CPSF4: variants seen among roughly 807,000 people sequenced by gnomAD.
CPSF4 encodes cleavage and polyadenylation specific factor 4.
Under a neutral mutation model 37.7 loss-of-function variants are expected in CPSF4, and 11 were observed. That is an observed-to-expected ratio of 0.29 (90% CI 0.18 to 0.48). CPSF4 has a LOEUF of 0.48. Ranked by LOEUF, CPSF4 falls within the 20% of genes least tolerant of loss-of-function variation. The pLI is 0.99. For synonymous variants in CPSF4, 132 were observed against 135.9 expected, an observed-to-expected ratio of 0.97 and a Z score of 0.20; for missense variants, 144 against 359.5, an observed-to-expected ratio of 0.40 and a Z score of 4.85.
rs1798065320 is a variant in CPSF4, at chr7:99,453,297, G to C, written c.571-669G>C. 1 of 152,674 alleles carries C rather than the reference G, an allele frequency of 6.5e-6. No homozygotes were observed. Among genetic ancestry groups the C allele is most frequent in the African/African-American group, 2.4e-5 (1 of 41,482 alleles). 9.5% of individuals were successfully genotyped at this position (152,674 alleles called of 1,614,324 possible). A position where few individuals can be genotyped will look rare whatever the true frequency, so the allele number is the denominator to read the frequency against. ...CTCAGTGCTAGAGGCTGAACAGCCA[G>C]GAGAGGATGCGGAGGATGTAGCTGC... On this transcript the variant is annotated intron_variant, in intron 6 of 7. Coordinates refer to ENST00000292476, the MANE Select transcript of CPSF4 (RefSeq NM_006693.4). This position sits in a 1 kb window ranked among gnomAD's most constrained non-coding sequence, Gnocchi z 4.7.
chr7:99,447,541 C>G (rs188466657), intron 2 of CPSF4, among the ~76,000 whole-genome samples: 3 of 151,594 alleles, frequency 2.0e-5, no homozygotes, highest in East Asian at 3.9e-4. Flanking sequence ...GCACCTCCCC[C>G]CTTTTAATTC....
In CPSF4 at chr7:99,448,459, CTTTTTTT is replaced by C; in HGVS notation, c.307+201_307+207del. 1 of 320,910 alleles carries C rather than the reference CTTTTTTT, an allele frequency of 3.1e-6. No homozygotes were observed. 19.9% of individuals were successfully genotyped at this position (320,910 alleles called of 1,614,324 possible). On this transcript the variant is annotated intron_variant, in intron 3 of 7. Transcript: ENST00000292476. The surrounding 1 kb of genome is among the most constrained non-coding windows in gnomAD (Gnocchi z 4.4). The stretch of plus-strand genomic sequence containing the variant: ...CAGTGTGGCTATTTTCTGCTCATCT[CTTTTTTT>C]TTTTTTTTTTTTTTAAAGACATAGG...
rs765342553 is a variant in CPSF4, at chr7:99,447,797, G to A, written c.155-324G>A. ...GAAGAGACAGGATTTCACCGTGACA[G>A]CCAGGATGGTCTCCGTGCCAGCCAG... On this transcript the variant is annotated intron_variant, in intron 2 of 7. Coordinates refer to ENST00000292476, the MANE Select transcript of CPSF4 (RefSeq NM_006693.4). 55 of 463,514 alleles carry A rather than the reference G, an allele frequency of 1.2e-4. 1 individual carries two copies. Among genetic ancestry groups the A allele is most frequent in the Admixed American group, 7.2e-4 (31 of 42,840 alleles). 28.7% of individuals were successfully genotyped at this position (463,514 alleles called of 1,614,324 possible). A position where few individuals can be genotyped will look rare whatever the true frequency, so the allele number is the denominator to read the frequency against.
chr7:99,455,922 C>T (rs1429928662), intron 7 of CPSF4, among the ~76,000 whole-genome samples: 2 of 152,248 alleles, frequency 1.3e-5, no homozygotes, highest in African/African-American at 2.4e-5. Flanking sequence ...CCAGCAGTGG[C>T]TCCCCAAGGG....
At chr7:99,442,831 G>A (rs1196212596) in intron 1 of CPSF4, 2 of 915,834 alleles carry the variant, frequency 2.2e-6, no homozygotes, top group Non-Finnish European at 3.6e-6. Context: ...TGACCAAGAA[G>A]AATGAGAGAA....
chr7:99,445,164 GCCCAGTGTCTGAA>G (rs1797377839), intron 2 of CPSF4, among the ~76,000 whole-genome samples: 1 of 152,192 alleles, frequency 6.6e-6, no homozygotes. Context: ...AAGCGGCAGA[GCCCAGTGTCTGAA>G]CCCAGGTCTT....
At chr7:99,452,187 G>A (rs1447150755) in intron 5 of CPSF4, among the ~76,000 whole-genome samples, 181 bp from the exon 6 acceptor site, 1 of 152,208 alleles carries the variant, frequency 6.6e-6, no homozygotes, top group Non-Finnish European at 1.5e-5. Context: ...TGGCCTCCCA[G>A]GAGCAGAGCT....
At chr7:99,445,345 CAG>C (rs998389206) in intron 2 of CPSF4, among the ~76,000 whole-genome samples, 3 of 151,746 alleles carry the variant, frequency 2.0e-5, no homozygotes, top group African/African-American at 7.3e-5. Context: ...ACCAGGGAGT[CAG>C]AGGTTGCAGT....
intron 1 of CPSF4, among the ~76,000 whole-genome samples, chr7:99,444,401 G>A (rs45622743): frequency 0.065 from 9,936 of 151,972 alleles, 685 homozygotes; most frequent in East Asian, 0.31. Flanking sequence ...AGATTGCAGT[G>A]AGCCAAGATC....
Position 99,447,589 on chromosome 7 carries a change from CTTTT to C in CPSF4, c.155-517_155-514del, listed in dbSNP as rs1195818955. Among the ~76,000 whole-genome samples, 21 of 129,074 alleles carry C rather than the reference CTTTT, an allele frequency of 1.6e-4. No homozygotes were observed. The East Asian group carries it at 2.1e-3, about 13-fold the overall frequency. 84.7% of individuals were successfully genotyped at this position (129,074 alleles called of 152,430 possible). ...GTAATATCTGTGAGATCATGAGTAA[CTTTT>C]TTTTTTTTTTTTTTGAAAAGGTGTC... is the stretch of plus-strand genomic sequence containing the variant. On this transcript the variant is annotated intron_variant, in intron 2 of 7. Transcript: ENST00000292476.
At chr7:99,444,115 C>T (rs925548481) in intron 1 of CPSF4, among the ~76,000 whole-genome samples, 6 of 152,084 alleles carry the variant, frequency 3.9e-5, no homozygotes, top group Non-Finnish European at 8.8e-5. Flanking sequence ...GTTAAGGTAT[C>T]TGTGAATTCG....
In CPSF4 at chr7:99,450,756, T is replaced by C. The variant is rs1797873298; in HGVS notation, c.458T>C (p.Val153Ala). ...AGAGTCATCTGTGTGAATTACCTCG[T>C]GGGATTCTGCCCGGAGGGGCCCTCG... is the stretch of plus-strand genomic sequence containing the variant. ...TRRVICVNYL[V>A]GFCPEGPSCK... Residue 153 changes from valine to alanine, a missense_variant, in exon 5 of 8, where the codon GTG becomes GCG. By Grantham distance (64) the Val-to-Ala change is moderately conservative. This residue lies in a region of CPSF4 where 86 missense variants were observed against 141.5 expected (regional missense o/e 0.61). Coordinates refer to ENST00000292476, the MANE Select transcript of CPSF4 (RefSeq NM_006693.4). 16 of 1,614,078 alleles carry C rather than the reference T, an allele frequency of 9.9e-6. No individual in the cohort carries two copies. The highest frequency in any genetic ancestry group is 1.4e-5 in the Non-Finnish European group (16 of 1,180,000).
At position 99,439,062 on chromosome 7, in the gene CPSF4, G is replaced by A. The variant is rs1410338897; in HGVS notation, c.-21G>A. ...CAGGAGACCGAGGGGGAGCCGGGCCGGTGGGGCCGCCGCCGCCGCCATGCA... is the reference window on the plus strand; with the variant it reads ...CAGGAGACCGAGGGGGAGCCGGGCCAGTGGGGCCGCCGCCGCCGCCATGCA... On this transcript the variant is annotated 5_prime_UTR_variant, in exon 1 of 8. Coordinates refer to ENST00000292476, the MANE Select transcript of CPSF4 (RefSeq NM_006693.4). The A allele has an allele frequency of 2.5e-6, 4 of 1,597,978 alleles. No individual in the cohort carries two copies. Among genetic ancestry groups the A allele is most frequent in the Admixed American group, 3.4e-5 (2 of 58,536 alleles).
At chr7:99,440,453 A>G (rs1474386360) in intron 1 of CPSF4, among the ~76,000 whole-genome samples, 1 of 151,690 alleles carries the variant, frequency 6.6e-6, no homozygotes, top group African/African-American at 2.4e-5. Flanking sequence ...GGCTCCAGCA[A>G]TCCTCCCACC....
intron 7 of CPSF4, among the ~76,000 whole-genome samples, chr7:99,455,863 T>C (rs1798271441): frequency 6.6e-6 from 1 of 152,218 alleles, no homozygotes; most frequent in Admixed American, 6.5e-5. Context: ...GTAGCTTAGG[T>C]GTGTCACAGC....
At chr7:99,442,623 A>C (rs1333764072) in intron 1 of CPSF4, among the ~76,000 whole-genome samples, 1 of 135,236 alleles carries the variant, frequency 7.4e-6, no homozygotes, top group East Asian at 2.3e-4. Flanking sequence ...ACACCACTGC[A>C]CTCCAGCCTG....
intron 2 of CPSF4, among the ~76,000 whole-genome samples, chr7:99,445,741 G>A (rs1208418650): frequency 6.6e-6 from 1 of 152,078 alleles, no homozygotes; most frequent in East Asian, 1.9e-4. Flanking sequence ...AAAATTAGCT[G>A]GGCATGGTGA....
chr7:99,440,655 C>CGCATATATAT (rs1363427698), intron 1 of CPSF4, among the ~76,000 whole-genome samples: 8 of 90,584 alleles, frequency 8.8e-5, no homozygotes, highest in African/African-American at 6.8e-4. Context: ...CTGCACCTGG[C>CGCATATATAT]ATATATATAT....
At chr7:99,449,671 T>C (rs1797799684) in intron 3 of CPSF4, among the ~76,000 whole-genome samples, 1 of 152,176 alleles carries the variant, frequency 6.6e-6, no homozygotes, top group African/African-American at 2.4e-5. Context: ...AGGTAGCTGA[T>C]AGGCCATGAG....
Sources: allele counts gnomAD v4.1 joint callset (sites outside exome capture counted in the v4.1 genomes callset), GRCh38; gene constraint gnomAD v4.1.1; regional missense constraint gnomAD v4.1.1; non-coding constraint Gnocchi (gnomAD v3.1); transcripts MANE v1.5; gene names NCBI Gene and HGNC (gene_info 2026-07-23, HGNC 2026-07-21).